TRPM2: variants seen among roughly 807,000 people sequenced by gnomAD.
TRPM2 encodes transient receptor potential cation channel subfamily M member 2, also known as estrogen-responsive element-associated gene 1 protein.
TRPM2 carries 161 observed loss-of-function variants against 174.0 expected under a neutral mutation model. The ratio of observed to expected loss-of-function variants is 0.93; its 90% CI spans 0.81 to 1.05. The LOEUF (loss-of-function observed/expected upper bound fraction) is 1.05. Ranked by LOEUF, TRPM2 falls within the 50% of genes least tolerant of loss-of-function variation. TRPM2 has a pLI of 0.00. For missense variants in TRPM2, 2,057 were observed against 2,038.0 expected, an observed-to-expected ratio of 1.01 and a Z score of -0.18; for synonymous variants, 954 against 861.3, an observed-to-expected ratio of 1.11 and a Z score of -1.88.
At position 44,391,494 on chromosome 21, in the gene TRPM2, C is replaced by A; in HGVS notation, c.1663C>A (p.Arg555Ser). 2 of 1,611,006 alleles carry A rather than the reference C, an allele frequency of 1.2e-6. No homozygotes were observed. The highest frequency in any genetic ancestry group is 2.2e-5 in the East Asian group (1 of 44,848). ...ERPACAPAAP[R>S]LQMHHVAQVL... ...CCCGGCTTGCGCGCCCGCGGCGCCC[C>A]GCCTGCAGATGCACCACGTGGCCCA... The change falls in exon 11 of 32, where the codon CGC (arginine) becomes AGC (serine). Residue 555 changes from arginine (R) to serine (S), a missense_variant. Arg to Ser is a moderately radical substitution (Grantham distance 110, BLOSUM62 -1). Transcript: ENST00000397928. This position sits in a 1 kb window ranked among gnomAD's most constrained non-coding sequence, Gnocchi z 5.0.
Position 44,401,698 on chromosome 21 carries a change from A to T in TRPM2, c.2339A>T (p.Asp780Val), listed in dbSNP as rs774436746. Reference sequence around the variant, plus strand: ...GGCCGCAGGGAGAAGAGGCTGCAGGATGTGGGCACCCCCGCGGCCCGCGCC... The same window carrying T: ...GGCCGCAGGGAGAAGAGGCTGCAGGTTGTGGGCACCCCCGCGGCCCGCGCC... ...LISFREKRLQ[D>V]VGTPAARARA... The change falls in exon 16 of 32, where the codon GAT becomes GTT. Residue 780 changes from aspartate to valine, a missense_variant. Physicochemically the swap from Asp to Val is radical, Grantham distance 152 (BLOSUM62 -3). Coordinates refer to ENST00000397928, the MANE Select transcript of TRPM2 (RefSeq NM_003307.4). 3 of 1,612,820 alleles carry T rather than the reference A, an allele frequency of 1.9e-6. No homozygotes were observed. The African/African-American group carries it at 4.0e-5, about 22-fold the overall frequency.
At position 44,354,721 on chromosome 21, in the gene TRPM2, A is replaced by G. The variant is rs1214224466; in HGVS notation, c.239A>G (p.Lys80Arg). 1.2e-6 allele frequency: 2 copies of G among 1,614,072 alleles called. No individual in the cohort carries two copies. The highest frequency in any genetic ancestry group is 1.7e-6 in the Non-Finnish European group (2 of 1,180,032). Residue 80 changes from lysine to arginine, a missense_variant, in exon 2 of 32, where the codon AAA (lysine) becomes AGA (arginine). Coordinates refer to ENST00000397928, the MANE Select transcript of TRPM2 (RefSeq NM_003307.4). The surrounding 1 kb of genome is among the most constrained non-coding windows in gnomAD (Gnocchi z 4.3). Reference protein sequence around the residue: ...KECVYFVESSKLSDAGKVVCQ... With the variant: ...KECVYFVESSRLSDAGKVVCQ... ...TGCGTGTATTTTGTGGAAAGTTCCA[A>G]ACTGTCTGATGCTGGGTAAGTGACG...
In TRPM2 at chr21:44,354,567, A is replaced by G. The variant is rs1332715792; in HGVS notation, c.166-81A>G. ...AAGCAAATAGTGTGAAAGCTCCTCA[A>G]GGAGCTCAGATGTGTCTCCAGGGGG... On this transcript the variant is annotated intron_variant, in intron 1 of 31. Coordinates refer to ENST00000397928, the MANE Select transcript of TRPM2 (RefSeq NM_003307.4). This position sits in a 1 kb window ranked among gnomAD's most constrained non-coding sequence, Gnocchi z 4.3. 1 of 1,269,458 alleles carries G rather than the reference A, an allele frequency of 7.9e-7. No homozygotes were observed. The highest frequency in any genetic ancestry group is 1.1e-6 in the Non-Finnish European group (1 of 869,686). The allele number at this position is 1,269,458 out of a possible 1,614,324, so 78.6% of individuals were successfully genotyped here.
At position 44,406,674 on chromosome 21, in the gene TRPM2, C is replaced by G. The variant is rs2049891070; in HGVS notation, c.2871C>G (p.Ile957Met). The G allele has an allele frequency of 6.2e-7, 1 of 1,610,534 alleles. No individual in the cohort carries two copies. Among genetic ancestry groups the G allele is most frequent in the Non-Finnish European group, 8.5e-7 (1 of 1,179,446 alleles). ...GGGTGGCCAAGCAGGCCATCCTCAT[C>G]CACAACGAGCGCCGGGTGGACTGGC... Reference protein sequence around the residue: ...SFGVAKQAILIHNERRVDWLF... With the variant: ...SFGVAKQAILMHNERRVDWLF... Residue 957 changes from isoleucine (I) to methionine (M), a missense_variant, in exon 19 of 32, where the codon ATC becomes ATG. By Grantham distance (10) the Ile-to-Met change is conservative. Transcript: ENST00000397928.
rs1363862298 is a variant in TRPM2 at position 44,438,046 on chromosome 21, G to A, written c.4167+879G>A. 6.6e-6 allele frequency among the ~76,000 whole-genome samples: 1 copy of A among 152,248 alleles called. No homozygotes were observed. The highest frequency in any genetic ancestry group is 6.5e-5 in the Admixed American group (1 of 15,292). On this transcript the variant is annotated intron_variant, in intron 29 of 31. Transcript: ENST00000397928. The surrounding 1 kb of genome is among the most constrained non-coding windows in gnomAD (Gnocchi z 5.9). ...GCTGCCTCTGCTGCTGTGGGAGTGT[G>A]TGTGCCACCACGGTGTGCAGGGCAG...
intron 2 of TRPM2, among the ~76,000 whole-genome samples, chr21:44,360,961 G>A (rs542189388): frequency 1.4e-4 from 22 of 151,972 alleles, no homozygotes; most frequent in African/African-American, 4.8e-4. Context: ...TACTTCCTCC[G>A]TATGGTCAGC....
rs141133941 is a variant in TRPM2 at position 44,426,930 on chromosome 21, G to C, written c.3873-80G>C. The stretch of plus-strand genomic sequence containing the variant: ...GCAGCTACTCGGCTGGGCCCTTGGT[G>C]GGGGGGTGATCCCTCTGCCTGTCTG... On this transcript the variant is annotated intron_variant, in intron 26 of 31. Coordinates refer to ENST00000397928, the MANE Select transcript of TRPM2 (RefSeq NM_003307.4). 211 of 1,422,384 alleles carry C rather than the reference G, an allele frequency of 1.5e-4. No homozygotes were observed. In the East Asian group the frequency reaches 3.5e-3, roughly 24 times the overall value. The allele number at this position is 1,422,384 out of a possible 1,614,324, so 88.1% of individuals were successfully genotyped here. A position where few individuals can be genotyped will look rare whatever the true frequency, so the allele number is the denominator to read the frequency against.
chr21:44,393,949 T>G (rs1448885716), intron 11 of TRPM2, among the ~76,000 whole-genome samples: 1 of 152,166 alleles, frequency 6.6e-6, no homozygotes, highest in Non-Finnish European at 1.5e-5. Flanking sequence ...CTCTGCTTAC[T>G]GCAACCTCTG....
Position 44,427,135 on chromosome 21 carries a change from C to T in TRPM2, c.3974+24C>T, listed in dbSNP as rs751559387. The T allele has an allele frequency of 5.5e-5, 85 of 1,546,738 alleles. No homozygotes were observed. The East Asian group carries it at 9.5e-4, about 17-fold the overall frequency. ...CTGTGAGTGTGCCCCCTGCGGGCCC[C>T]GCCCCGTCAGCCTTTGGGGTTTGCC... On this transcript the variant is annotated intron_variant, in intron 27 of 31. Transcript: ENST00000397928.
Position 44,438,927 on chromosome 21 carries a change from C to T in TRPM2, c.4168-140C>T. 1.6e-6 allele frequency: 1 copy of T among 631,048 alleles called. No individual in the cohort carries two copies. The highest frequency in any genetic ancestry group is 2.9e-5 in the East Asian group (1 of 34,904). 39.1% of individuals were successfully genotyped at this position (631,048 alleles called of 1,614,324 possible). A position where few individuals can be genotyped will look rare whatever the true frequency, so the allele number is the denominator to read the frequency against. On this transcript the variant is annotated intron_variant, in intron 29 of 31. Coordinates refer to ENST00000397928, the MANE Select transcript of TRPM2 (RefSeq NM_003307.4). The surrounding 1 kb of genome is among the most constrained non-coding windows in gnomAD (Gnocchi z 5.9). ...GGGTTCTGGGCAATGTCACTGCAGCCTGAGATGCCGCCTGCCTGTGGCTCC... is the reference window on the plus strand; with the variant it reads ...GGGTTCTGGGCAATGTCACTGCAGCTTGAGATGCCGCCTGCCTGTGGCTCC...
At position 44,437,149 on chromosome 21, in the gene TRPM2, G is replaced by T; in HGVS notation, c.4149G>T (p.Glu1383Asp). Residue 1383 changes from glutamate (E) to aspartate (D), a missense_variant, in exon 29 of 32, where the codon GAG becomes GAT. Transcript: ENST00000397928. ...EVLVVKLPLS[E>D]HWALPGGSRE... ...TGGTGGTGAAGCTCCCTCTCTCCGA[G>T]CACTGGGCCCTGCCTGGGGTAAGGC... The T allele has an allele frequency of 6.4e-7, 1 of 1,551,302 alleles. No individual in the cohort carries two copies. The highest frequency in any genetic ancestry group is 8.7e-7 in the Non-Finnish European group (1 of 1,146,868).
intron 2 of TRPM2, among the ~76,000 whole-genome samples, chr21:44,356,475 G>T (rs2048067034): frequency 2.6e-5 from 4 of 151,532 alleles, no homozygotes; most frequent in African/African-American, 9.7e-5. Flanking sequence ...CAATGTAAAG[G>T]AATAAAAGAA....
At position 44,356,431 on chromosome 21, in the gene TRPM2, G is replaced by T. The variant is rs113299137; in HGVS notation, c.254+1695G>T. 3.3e-3 allele frequency among the ~76,000 whole-genome samples: 502 copies of T among 151,826 alleles called. 2 individuals are homozygous for T. Among genetic ancestry groups the T allele is most frequent in the African/African-American group, 0.011 (475 of 41,432 alleles). On this transcript the variant is annotated intron_variant, in intron 2 of 31. Transcript: ENST00000397928. ...TCTCACACGAGAAAGTATTTGGAGC[G>T]AGTCCACAGAGTAAAGTGAAAGCAA...
At chr21:44,418,961 C>T (rs1018057804) in intron 22 of TRPM2, among the ~76,000 whole-genome samples, 1 of 152,206 alleles carries the variant, frequency 6.6e-6, no homozygotes, top group African/African-American at 2.4e-5. Context: ...CTCGGCAGCC[C>T]AGCCCTCGGG....
intron 2 of TRPM2, among the ~76,000 whole-genome samples, chr21:44,362,023 G>A (rs1041919307): frequency 3.9e-5 from 6 of 152,102 alleles, no homozygotes; most frequent in Admixed American, 2.0e-4. Flanking sequence ...ATTTTTGAGT[G>A]TATCTTCTTG....
intron 20 of TRPM2, among the ~76,000 whole-genome samples, chr21:44,417,545 C>T (rs2050346306): frequency 9.3e-6 from 1 of 108,066 alleles, no homozygotes; most frequent in Non-Finnish European, 1.8e-5. Context: ...GGCACGTGGG[C>T]ATGGCTCTGC....
intron 9 of TRPM2, among the ~76,000 whole-genome samples, chr21:44,390,567 C>T (rs1362614092): frequency 1.3e-5 from 2 of 152,150 alleles, no homozygotes; most frequent in African/African-American, 4.8e-5. Context: ...GCCTGCCCTC[C>T]AGAGACCTAT....
chr21:44,424,876 C>A lies in TRPM2; in HGVS notation c.3574C>A (p.His1192Asn), dbSNP rs1192242091. The change falls in exon 24 of 32, where the codon CAC (histidine) becomes AAC (asparagine). Residue 1192 changes from histidine (H) to asparagine (N), a missense_variant. Coordinates refer to ENST00000397928, the MANE Select transcript of TRPM2 (RefSeq NM_003307.4). ...EQVAQTAQAL[H>N]WIVRTLRASG... is the part of the protein sequence containing the mutation. ...GGTGGCCCAGACAGCCCAAGCCCTGCACTGGATCGTGAGGACGCTGCGGGC... is the reference window on the plus strand; with the variant it reads ...GGTGGCCCAGACAGCCCAAGCCCTGAACTGGATCGTGAGGACGCTGCGGGC... 1 of 1,607,696 alleles carries A rather than the reference C, an allele frequency of 6.2e-7. No homozygotes were observed. Among genetic ancestry groups the A allele is most frequent in the Non-Finnish European group, 8.5e-7 (1 of 1,178,154 alleles).
intron 20 of TRPM2, 72 bp downstream of exon 20, chr21:44,414,146 G>A: frequency 1.3e-6 from 2 of 1,533,154 alleles, no homozygotes; most frequent in East Asian, 2.3e-5. Flanking sequence ...TGGCCATGCT[G>A]TCTCCAGGGT....
Sources: allele counts gnomAD v4.1 joint callset (sites outside exome capture counted in the v4.1 genomes callset), GRCh38; gene constraint gnomAD v4.1.1; non-coding constraint Gnocchi (gnomAD v3.1); transcripts MANE v1.5; gene names NCBI Gene and HGNC (gene_info 2026-07-23, HGNC 2026-07-21).